Variants in TRIM5 observed in about 807,000 individuals in gnomAD.
TRIM5 encodes tripartite motif containing 5.
A neutral mutation model predicts 35.6 loss-of-function variants in TRIM5; 31 were observed. That is an observed-to-expected ratio of 0.87 (90% CI 0.65 to 1.18). The LOEUF is 1.18. TRIM5 is among the 50% of genes most tolerant of loss of function. The pLI, the probability that TRIM5 is intolerant of heterozygous loss-of-function variation, is 0.00. For synonymous variants in TRIM5, 243 were observed against 215.6 expected, an observed-to-expected ratio of 1.13 and a Z score of -1.11; for missense variants, 609 against 591.6, an observed-to-expected ratio of 1.03 and a Z score of -0.31.
intron 1 of TRIM5, among the ~76,000 whole-genome samples, chr11:5,682,665 C>T (rs1852583482): frequency 1.3e-5 from 2 of 152,138 alleles, no homozygotes; most frequent in South Asian, 4.1e-4. Flanking sequence ...TCCCTAATTG[C>T]CTTTAGATCA....
At chr11:5,675,531 T>C (rs1266771436) in intron 4 of TRIM5, among the ~76,000 whole-genome samples, 2 of 152,012 alleles carry the variant, frequency 1.3e-5, no homozygotes, top group Admixed American at 1.3e-4. Context: ...TATGGGATCA[T>C]GATCCCACCA....
the TRIM5 span, among the ~76,000 whole-genome samples, chr11:5,614,495 G>A: frequency 6.6e-6 from 1 of 152,340 alleles, no homozygotes; most frequent in Admixed American, 6.5e-5. Flanking sequence ...CTAGCTGTAT[G>A]CAATCATGTA....
At chr11:5,612,138 C>G in the TRIM5 span, 2 of 152,074 alleles carry the variant, frequency 1.3e-5, no homozygotes, top group Non-Finnish European at 2.9e-5. Flanking sequence ...ATTTTGATAA[C>G]GTATTGTTTA....
At chr11:5,602,763 G>C in the TRIM5 span, among the ~76,000 whole-genome samples, 3 of 151,478 alleles carry the variant, frequency 2.0e-5, no homozygotes, top group Non-Finnish European at 4.4e-5. Context: ...AGACCACCCT[G>C]GCTAACATGG....
At chr11:5,678,535 G>T in intron 3 of TRIM5, 101 bp from the exon 4 acceptor site, 2 of 901,634 alleles carry the variant, frequency 2.2e-6, no homozygotes, top group Non-Finnish European at 3.3e-6. Flanking sequence ...ACAAGGAGGG[G>T]ACATAGTAGC....
At chr11:5,626,342 A>T in the TRIM5 span, among the ~76,000 whole-genome samples, 1 of 152,246 alleles carries the variant, frequency 6.6e-6, no homozygotes, top group Non-Finnish European at 1.5e-5. Flanking sequence ...CAAGAAGATG[A>T]CTAATACTAT....
chr11:5,615,873 G>A, the TRIM5 span, among the ~76,000 whole-genome samples: 3 of 150,252 alleles, frequency 2.0e-5, no homozygotes, highest in East Asian at 4.0e-4. Context: ...AATTACCGGC[G>A]TGAGCCACCG....
the TRIM5 span, chr11:5,634,528 C>CATATATATATATATATATATATATATAT: frequency 1.9e-6 from 1 of 530,320 alleles, no homozygotes; most frequent in African/African-American, 2.4e-5. Flanking sequence ...CACACACACA[C>CATATATATATATATATATATATATATAT]ACATATATAT....
the TRIM5 span, among the ~76,000 whole-genome samples, chr11:5,631,666 T>C: frequency 6.6e-6 from 1 of 152,102 alleles, no homozygotes; most frequent in African/African-American, 2.4e-5. Flanking sequence ...ACATCTGGGG[T>C]TCTAAAGTTC....
At chr11:5,665,752 A>C (rs1407332273) in intron 6 of TRIM5, 70 bp from the exon 7 acceptor site, 1 of 1,476,998 alleles carries the variant, frequency 6.8e-7, no homozygotes, top group Non-Finnish European at 8.9e-7. Flanking sequence ...TTTTCTCTCC[A>C]GATTAGGGAA....
At chr11:5,633,595 C>T in the TRIM5 span, among the ~76,000 whole-genome samples, 1 of 152,204 alleles carries the variant, frequency 6.6e-6, no homozygotes, top group Non-Finnish European at 1.5e-5. Flanking sequence ...CAGGCTACTC[C>T]TTTTGAGGGG....
the TRIM5 span, among the ~76,000 whole-genome samples, chr11:5,596,351 A>G: frequency 1.3e-5 from 2 of 151,996 alleles, no homozygotes; most frequent in African/African-American, 4.8e-5. Context: ...CAGAAGAGGC[A>G]CCTTTGCAGC....
At chr11:5,622,606 G>A in the TRIM5 span, among the ~76,000 whole-genome samples, 3 of 149,942 alleles carry the variant, frequency 2.0e-5, no homozygotes, top group African/African-American at 7.4e-5. Flanking sequence ...CGACAAGAAC[G>A]AAACTCCATC....
the TRIM5 span, among the ~76,000 whole-genome samples, chr11:5,617,468 T>C: frequency 7.5e-4 from 106 of 141,192 alleles, 10 homozygotes; most frequent in East Asian, 2.8e-3. Context: ...TTCTATACAT[T>C]ATATATATGG....
At chr11:5,589,324 T>C in the TRIM5 span, 5 of 151,996 alleles carry the variant, frequency 3.3e-5, no homozygotes, top group South Asian at 2.1e-4. Context: ...TTGAGGTTAA[T>C]ATAATTTATT....
chr11:5,681,496 T>C (rs34506684), intron 1 of TRIM5, among the ~76,000 whole-genome samples: 84,207 of 152,016 alleles, frequency 0.55, 23,463 homozygotes, highest in African/African-American at 0.6. Context: ...CTTCCTCTGG[T>C]GCCTCAGTAA....
chr11:5,672,086 A>G (rs572883606), intron 4 of TRIM5, among the ~76,000 whole-genome samples: 1 of 152,376 alleles, frequency 6.6e-6, no homozygotes, highest in Admixed American at 6.5e-5. Context: ...GAAAGCACTA[A>G]AAGAAACTGT....
At chr11:5,601,742 A>C in the TRIM5 span, among the ~76,000 whole-genome samples, 1 of 152,170 alleles carries the variant, frequency 6.6e-6, no homozygotes, top group Non-Finnish European at 1.5e-5. Context: ...TGGGCGATAG[A>C]GCAAGACTCA....
At chr11:5,589,900 G>C in the TRIM5 span, 2 of 153,852 alleles carry the variant, frequency 1.3e-5, no homozygotes, top group Non-Finnish European at 1.4e-5. Flanking sequence ...AGTGGGAACC[G>C]GGTCTGCGCG....
Sources: allele counts gnomAD v4.1 joint callset (sites outside exome capture counted in the v4.1 genomes callset), GRCh38; gene constraint gnomAD v4.1.1; transcripts MANE v1.5; gene names NCBI Gene and HGNC (gene_info 2026-07-23, HGNC 2026-07-21).